Variants in SNX13 observed in about 807,000 individuals in gnomAD.
SNX13 encodes the protein sorting nexin-13.
In SNX13, 45 loss-of-function variants were observed where a neutral mutation model predicts 133.6. The observed-to-expected ratio is 0.34, with a 90% confidence interval of 0.27 to 0.43. The LOEUF (loss-of-function observed/expected upper bound fraction) is 0.43. Among genes scored for constraint, SNX13 ranks in the 20% least tolerant of loss-of-function variants. SNX13 has a pLI of 1.00. For synonymous variants in SNX13, 414 were observed against 373.9 expected (o/e 1.11, Z -1.24); for missense variants, 1,032 against 1,145.1 (o/e 0.90, Z 1.43).
chr7:17,830,254 A>G (rs1788339064), intron 15 of SNX13: 1 of 984,088 alleles, frequency 1.0e-6, no homozygotes, highest in African/African-American at 1.8e-5. Flanking sequence ...TTAAGTGACA[A>G]TATAGTATGT....
At chr7:17,837,922 A>G (rs1211281899) in intron 13 of SNX13, among the ~76,000 whole-genome samples, 3 of 151,760 alleles carry the variant, frequency 2.0e-5, no homozygotes, top group African/African-American at 7.3e-5. Context: ...ACCTACATGT[A>G]TCATCAAACA....
At chr7:17,911,188 G>A (rs1360394046) in intron 1 of SNX13, among the ~76,000 whole-genome samples, 5 of 152,270 alleles carry the variant, frequency 3.3e-5, no homozygotes, top group Middle Eastern at 3.4e-3. Context: ...CTGTACAACA[G>A]TTGAAAACAC....
chr7:17,796,967 T>G (rs1226751177), intron 24 of SNX13, 28 bp from the exon 25 acceptor site: 1 of 1,459,880 alleles, frequency 6.8e-7, no homozygotes, highest in East Asian at 2.3e-5. Flanking sequence ...ATACATTTTG[T>G]AAACATTTTC....
chr7:17,850,080 TG>T (rs1473597326), intron 11 of SNX13, among the ~76,000 whole-genome samples: 2 of 152,112 alleles, frequency 1.3e-5, no homozygotes, highest in Non-Finnish European at 2.9e-5. Flanking sequence ...AATAAACAAA[TG>T]ATACACAAGT....
At chr7:17,874,599 T>C (rs1318145922) in intron 7 of SNX13, among the ~76,000 whole-genome samples, 1 of 152,134 alleles carries the variant, frequency 6.6e-6, no homozygotes, top group Non-Finnish European at 1.5e-5. Flanking sequence ...AAGAAATAAA[T>C]AAAAATATTT....
In SNX13 at chr7:17,890,944, C is replaced by G. The variant is rs567640834; in HGVS notation, c.319-460G>C. On this transcript the variant is annotated intron_variant, in intron 4 of 25. Coordinates refer to ENST00000428135, the MANE Select transcript of SNX13 (RefSeq NM_015132.5). Reference sequence around the variant, plus strand: ...TAATTATAAAAATGATACAGGAGTTCACTTATTTCTACTAATACCTTTGAT... The same window carrying G: ...TAATTATAAAAATGATACAGGAGTTGACTTATTTCTACTAATACCTTTGAT... Among the ~76,000 whole-genome samples the G allele has an allele frequency of 1.5e-3, 228 of 151,920 alleles. 1 individual carries two copies. The highest frequency in any genetic ancestry group is 5.2e-3 in the African/African-American group (214 of 41,502).
At chr7:17,867,786 T>G (rs527527271) in intron 9 of SNX13, among the ~76,000 whole-genome samples, 3 of 152,158 alleles carry the variant, frequency 2.0e-5, no homozygotes, top group South Asian at 4.1e-4. Context: ...GATCTAGAAG[T>G]AGGTATCAAA....
intron 1 of SNX13, among the ~76,000 whole-genome samples, chr7:17,916,024 A>G (rs568493222): frequency 3.7e-4 from 56 of 152,330 alleles, no homozygotes; most frequent in African/African-American, 1.2e-3. Flanking sequence ...ACAAAAAAAT[A>G]CATGGAAACT....
At chr7:17,813,992 T>C (rs1786359328) in intron 20 of SNX13, among the ~76,000 whole-genome samples, 1 of 152,320 alleles carries the variant, frequency 6.6e-6, no homozygotes, top group East Asian at 1.9e-4. Context: ...AACTCCTTGT[T>C]CTTTTTACAT....
intron 1 of SNX13, among the ~76,000 whole-genome samples, chr7:17,930,272 C>T (rs1003135812): frequency 2.6e-5 from 4 of 152,124 alleles, no homozygotes; most frequent in African/African-American, 7.2e-5. Flanking sequence ...GGCTCTGAAA[C>T]GTTAGCAACC....
At chr7:17,850,058 A>C (rs993076197) in intron 11 of SNX13, among the ~76,000 whole-genome samples, 6 of 152,216 alleles carry the variant, frequency 3.9e-5, no homozygotes, top group Non-Finnish European at 8.8e-5. Flanking sequence ...AACTGAATAA[A>C]TGTAAGTTTT....
Position 17,834,835 on chromosome 7 carries a change from A to C in SNX13, c.1390T>G (p.Leu464Val). The C allele has an allele frequency of 6.2e-7, 1 of 1,609,234 alleles. No homozygotes were observed. Among genetic ancestry groups the C allele is most frequent in the Non-Finnish European group, 8.5e-7 (1 of 1,176,862 alleles). ...AAAGTATCTGCTAATTTTGCTACTA[A>C]ATAGTCATCAACAGTAACTCTTGGA... ...ASPRVTVDDY[L>V]VAKLADTLNH... Residue 464 changes from leucine to valine, a missense_variant, in exon 14 of 26, where the codon TTA (leucine) becomes GTA (valine). Leu to Val is a conservative substitution (Grantham distance 32). Coordinates refer to ENST00000428135, the MANE Select transcript of SNX13 (RefSeq NM_015132.5).
intron 25 of SNX13, chr7:17,794,519 G>C: frequency 2.2e-6 from 1 of 448,344 alleles, no homozygotes; most frequent in Non-Finnish European, 3.9e-6. Context: ...TATAGCACAG[G>C]TGTAAGAGAT....
intron 5 of SNX13, chr7:17,889,234 C>T (rs1440673689): frequency 1.3e-5 from 2 of 152,320 alleles, no homozygotes; most frequent in Non-Finnish European, 2.9e-5. Context: ...TTCTGGCTGG[C>T]TACTTTGTAA....
chr7:17,844,879 G>A (rs2128320392), intron 12 of SNX13, among the ~76,000 whole-genome samples: 1 of 152,054 alleles, frequency 6.6e-6, no homozygotes, highest in African/African-American at 2.4e-5. Flanking sequence ...ACTAGGAACA[G>A]AAGGCTACTA....
At chr7:17,918,738 A>G (rs1799819947) in intron 1 of SNX13, among the ~76,000 whole-genome samples, 1 of 152,230 alleles carries the variant, frequency 6.6e-6, no homozygotes, top group African/African-American at 2.4e-5. Context: ...TGGACCCCAC[A>G]ATCCCATTAC....
intron 18 of SNX13, among the ~76,000 whole-genome samples, chr7:17,820,286 T>A (rs980360623): frequency 6.6e-6 from 1 of 152,138 alleles, no homozygotes; most frequent in Non-Finnish European, 1.5e-5. Context: ...AATTATTTTT[T>A]AAATTATCAT....
intron 13 of SNX13, 64 bp from the exon 14 acceptor site, chr7:17,834,929 T>C: frequency 1.1e-6 from 1 of 951,734 alleles, no homozygotes; most frequent in African/African-American, 1.7e-5. Context: ...TACTTGATAG[T>C]ATGATAATAA....
chr7:17,853,403 A>T (rs1420422609), intron 9 of SNX13, among the ~76,000 whole-genome samples: 1 of 152,244 alleles, frequency 6.6e-6, no homozygotes, highest in East Asian at 1.9e-4. Context: ...TTAAACAAAA[A>T]GCCAAATAAC....
Sources: gnomAD v4.1 joint callset for allele counts (sites outside exome capture counted in the v4.1 genomes callset) on GRCh38, gnomAD v4.1.1 for gene constraint, MANE v1.5 for transcripts, NCBI Gene and HGNC (gene_info 2026-07-23, HGNC 2026-07-21) for gene names.